The following COX6B1 variants were observed in gnomAD, a reference collection of about 807,000 sequenced individuals.
COX6B1 encodes the protein cytochrome c oxidase subunit 6B1.
In COX6B1, 2 loss-of-function variants were observed where a neutral mutation model predicts 14.0. That is an observed-to-expected ratio of 0.14 (90% confidence interval 0.06 to 0.45). The LOEUF (loss-of-function observed/expected upper bound fraction) is 0.45. COX6B1 is among the 20% of genes least tolerant of loss of function. The pLI is 0.98. For missense variants in COX6B1, 81 were observed against 114.2 expected (o/e 0.71, Z 1.33); for synonymous variants, 30 against 39.7 (o/e 0.76, Z 0.92).
chr19:35,652,321 G>A (rs929552548), intron 2 of COX6B1, among the ~76,000 whole-genome samples: 5 of 151,844 alleles, frequency 3.3e-5, no homozygotes, highest in Non-Finnish European at 7.4e-5. Flanking sequence ...ATGAGCCACC[G>A]CGCCTGGCCT....
Position 35,653,261 on chromosome 19 carries a change from C to T in COX6B1, c.107-1310C>T, listed in dbSNP as rs1363098126. Among the ~76,000 whole-genome samples, 4 of 151,440 alleles carry T rather than the reference C, an allele frequency of 2.6e-5. No homozygotes were observed. In the Admixed American group the frequency reaches 2.6e-4, roughly 10 times the overall value. The stretch of plus-strand genomic sequence containing the variant: ...GTGCTGAGATTACAGGTGTAAGCCA[C>T]CATGCCTGGCCAATTTTATTTATTT... On this transcript the variant is annotated intron_variant, in intron 2 of 3. Coordinates refer to ENST00000649813, the MANE Select transcript of COX6B1 (RefSeq NM_001863.5).
At chr19:35,650,004 T>C (rs1002741369) in intron 1 of COX6B1, among the ~76,000 whole-genome samples, 26 of 143,668 alleles carry the variant, frequency 1.8e-4, no homozygotes, top group Non-Finnish European at 2.7e-4. Flanking sequence ...TTCAAAATTG[T>C]ATTTTTTTTT....
At chr19:35,656,003 T>C (rs2146373184) in intron 3 of COX6B1, among the ~76,000 whole-genome samples, 1 of 152,088 alleles carries the variant, frequency 6.6e-6, no homozygotes, top group South Asian at 2.1e-4. Flanking sequence ...ATTTTTGTAT[T>C]TTTTTTGTAG....
At chr19:35,651,052 C>A (rs572563893) in intron 1 of COX6B1, among the ~76,000 whole-genome samples, 181 bp from the exon 2 acceptor site, 1 of 152,166 alleles carries the variant, frequency 6.6e-6, no homozygotes, top group African/African-American at 2.4e-5. Context: ...AACCCTGCCG[C>A]GACCTCGACA....
chr19:35,657,289 T>G (rs1967897559), intron 3 of COX6B1, among the ~76,000 whole-genome samples: 1 of 151,884 alleles, frequency 6.6e-6, no homozygotes, highest in Non-Finnish European at 1.5e-5. Flanking sequence ...CCTAGATCCC[T>G]CACATGCGCA....
rs1327981442 is a variant in COX6B1 at position 35,654,594 on chromosome 19, A to G, written c.130A>G (p.Met44Val). 7 of 1,614,122 alleles carry G rather than the reference A, an allele frequency of 4.3e-6. No homozygotes were observed. The highest frequency in any genetic ancestry group is 2.2e-5 in the East Asian group (1 of 44,878). Residue 44 changes from methionine (M) to valine (V), a missense_variant, in exon 3 of 4, where the codon ATG becomes GTG. Transcript: ENST00000649813. Reference sequence around the variant, plus strand: ...AGACTTCCACCGCTGTCAGAAGGCAATGACCGCTAAAGGAGGCGATATCTC... The same window carrying G: ...AGACTTCCACCGCTGTCAGAAGGCAGTGACCGCTAAAGGAGGCGATATCTC... ...YLDFHRCQKA[M>V]TAKGGDISVC... is the part of the protein sequence containing the mutation.
chr19:35,650,576 C>T (rs1055427688), intron 1 of COX6B1, among the ~76,000 whole-genome samples: 6 of 151,974 alleles, frequency 3.9e-5, no homozygotes, highest in African/African-American at 1.4e-4. Context: ...GGCATGGTGG[C>T]AGGCGCCTGT....
In COX6B1 at chr19:35,658,725, C is replaced by G; in HGVS notation, c.*78C>G. The G allele has an allele frequency of 3.1e-6, 4 of 1,303,932 alleles. No homozygotes were observed. The highest frequency in any genetic ancestry group is 4.4e-6 in the Non-Finnish European group (4 of 898,962). 80.8% of individuals were successfully genotyped at this position (1,303,932 alleles called of 1,614,324 possible). ...AGGGGGACCTGGTACCCAGTGATCC[C>G]CACCCCAGGATCCTAAATCATGACT... On this transcript the variant is annotated 3_prime_UTR_variant, in exon 4 of 4. Coordinates refer to ENST00000649813, the MANE Select transcript of COX6B1 (RefSeq NM_001863.5).
At chr19:35,653,406 G>A (rs1253591732) in intron 2 of COX6B1, among the ~76,000 whole-genome samples, 2 of 150,972 alleles carry the variant, frequency 1.3e-5, no homozygotes, top group Non-Finnish European at 2.9e-5. Flanking sequence ...CTGAGTAGCT[G>A]GGACTACAGG....
rs555306891 is a variant in COX6B1, at chr19:35,649,564, C to T, written c.-12+1161C>T. 2.4e-4 allele frequency among the ~76,000 whole-genome samples: 36 copies of T among 151,996 alleles called. 1 individual carries two copies. The highest frequency in any genetic ancestry group is 4.6e-4 in the Non-Finnish European group (31 of 67,962). On this transcript the variant is annotated intron_variant, in intron 1 of 3. Coordinates refer to ENST00000649813, the MANE Select transcript of COX6B1 (RefSeq NM_001863.5). ...CACAATCTCGGCTCACTGCAACCTC[C>T]GCCTCTTGGGTTCAAGTGATTCTCC...
chr19:35,654,091 T>G (rs1967861386), intron 2 of COX6B1, among the ~76,000 whole-genome samples: 1 of 152,258 alleles, frequency 6.6e-6, no homozygotes, highest in Non-Finnish European at 1.5e-5. Context: ...CAGTACCTTC[T>G]CAGATCCATA....
chr19:35,651,462 G>T, intron 2 of COX6B1, 113 bp downstream of exon 2: 1 of 787,702 alleles, frequency 1.3e-6, no homozygotes, highest in Non-Finnish European at 2.2e-6. Context: ...CCTTACTCTG[G>T]AAGGCCCATG....
intron 1 of COX6B1, chr19:35,648,963 C>T: frequency 1.9e-6 from 1 of 532,730 alleles, no homozygotes; most frequent in South Asian, 1.4e-5. Context: ...TTACACCCCA[C>T]TTCCCCACCG....
intron 3 of COX6B1, among the ~76,000 whole-genome samples, chr19:35,655,726 T>G (rs1345819730): frequency 6.6e-6 from 1 of 151,934 alleles, no homozygotes; most frequent in Non-Finnish European, 1.5e-5. Context: ...CCTGAGTAGC[T>G]TGGACTACAG....
rs570771821 is a variant in COX6B1 at position 35,650,073 on chromosome 19, G to A, written c.-11-1160G>A. On this transcript the variant is annotated intron_variant, in intron 1 of 3. Transcript: ENST00000649813. ...GGTTGGAGTGCACTGGCACAATCTCGGCTCACTACAACCTCCGCCTCCTGG... is the reference window on the plus strand; with the variant it reads ...GGTTGGAGTGCACTGGCACAATCTCAGCTCACTACAACCTCCGCCTCCTGG... Among the ~76,000 whole-genome samples the A allele has an allele frequency of 1.9e-4, 29 of 150,530 alleles. 1 individual carries two copies. The highest frequency in any genetic ancestry group is 1.2e-3 in the East Asian group (6 of 5,132).
At chr19:35,657,359 G>A (rs1224153808) in intron 3 of COX6B1, among the ~76,000 whole-genome samples, 1 of 151,998 alleles carries the variant, frequency 6.6e-6, no homozygotes, top group African/African-American at 2.4e-5. Flanking sequence ...CTGACAGGAG[G>A]TGGAACTCAG....
At chr19:35,650,877 G>C (rs919138789) in intron 1 of COX6B1, among the ~76,000 whole-genome samples, 1 of 152,108 alleles carries the variant, frequency 6.6e-6, no homozygotes, top group Admixed American at 6.6e-5. Flanking sequence ...TAGACACCCT[G>C]TTCCTTCCTC....
At chr19:35,651,127 C>T in intron 1 of COX6B1, 106 bp from the exon 2 acceptor site, 1 of 748,912 alleles carries the variant, frequency 1.3e-6, no homozygotes, top group Non-Finnish European at 2.4e-6. Context: ...AACTTGTTCA[C>T]ACCCAGCCCA....
intron 1 of COX6B1, among the ~76,000 whole-genome samples, chr19:35,650,012 T>C (rs1372260404): frequency 1.3e-5 from 2 of 152,128 alleles, no homozygotes; most frequent in Admixed American, 6.5e-5. Context: ...TGTATTTTTT[T>C]TTTTTTTTGA....
Sources: gnomAD v4.1 joint callset for allele counts (sites outside exome capture counted in the v4.1 genomes callset) on GRCh38, gnomAD v4.1.1 for gene constraint, MANE v1.5 for transcripts, NCBI Gene and HGNC (gene_info 2026-07-23, HGNC 2026-07-21) for gene names.